LTAP1: variants seen among roughly 807,000 people sequenced by gnomAD.
LTAP1 encodes lipid transport auxiliary protein 1, also known as HCV NS5A-transactivated protein 4.
chr1:154,212,288 G>A, the LTAP1 span: 5 of 1,611,560 alleles, frequency 3.1e-6, no homozygotes, highest in Admixed American at 5.0e-5. Flanking sequence ...TACTGTACCA[G>A]CTCCCTCTGA....
At chr1:154,214,591 A>G in the LTAP1 span, 2 of 1,518,084 alleles carry the variant, frequency 1.3e-6, no homozygotes, top group Non-Finnish European at 1.8e-6. Context: ...ACATAAAAAA[A>G]GAATACACAA....
the LTAP1 span, among the ~76,000 whole-genome samples, chr1:154,213,693 C>G: frequency 4.6e-4 from 70 of 152,296 alleles, no homozygotes; most frequent in Non-Finnish European, 7.1e-4. Context: ...AAACAAAACA[C>G]CCAGACTCTT....
chr1:154,215,840 CTT>C, the LTAP1 span, among the ~76,000 whole-genome samples: 21 of 137,712 alleles, frequency 1.5e-4, no homozygotes, highest in East Asian at 2.0e-4. Context: ...CACTAACTTT[CTT>C]TTTTTTTTTT....
At chr1:154,220,267 C>T in the LTAP1 span, 1 of 1,544,634 alleles carries the variant, frequency 6.5e-7, no homozygotes, top group Non-Finnish European at 9.0e-7. Context: ...AGAATGCAGA[C>T]GGGGTACAGC....
At chr1:154,214,035 T>G in the LTAP1 span, 1 of 1,243,700 alleles carries the variant, frequency 8.0e-7, no homozygotes, top group South Asian at 1.3e-5. Flanking sequence ...CCCAACACTT[T>G]GGGAGGCTGA....
chr1:154,214,035 T>TG, the LTAP1 span: 1 of 1,243,700 alleles, frequency 8.0e-7, no homozygotes, highest in Non-Finnish European at 1.1e-6. Flanking sequence ...CCCAACACTT[T>TG]GGGAGGCTGA....
At chr1:154,207,538 G>C in the LTAP1 span, 1 of 1,614,174 alleles carries the variant, frequency 6.2e-7, no homozygotes, top group African/African-American at 1.3e-5. Flanking sequence ...CTTCTGACTG[G>C]AGGGGAGGTA....
the LTAP1 span, among the ~76,000 whole-genome samples, chr1:154,215,907 A>G: frequency 7.4e-5 from 11 of 148,068 alleles, no homozygotes; most frequent in Admixed American, 5.5e-4. Context: ...GCGCAATCTC[A>G]GCTCACTGCA....
At chr1:154,214,062 G>A in the LTAP1 span, 3 of 867,510 alleles carry the variant, frequency 3.5e-6, no homozygotes, top group South Asian at 4.7e-5. Context: ...TGGATCACCT[G>A]AGGTCAGGAG....
At chr1:154,211,293 G>A in the LTAP1 span, among the ~76,000 whole-genome samples, 3 of 143,482 alleles carry the variant, frequency 2.1e-5, no homozygotes, top group Admixed American at 1.4e-4. Flanking sequence ...GTGAGCCACC[G>A]CGCCCGGCCA....
chr1:154,216,840 G>T, the LTAP1 span, among the ~76,000 whole-genome samples: 1 of 151,668 alleles, frequency 6.6e-6, no homozygotes, highest in African/African-American at 2.4e-5. Flanking sequence ...ATAGAGACAG[G>T]GTTTCCCCAT....
chr1:154,217,210 A>T, the LTAP1 span, among the ~76,000 whole-genome samples: 1 of 152,116 alleles, frequency 6.6e-6, no homozygotes, highest in African/African-American at 2.4e-5. Context: ...CAGCCTCCCA[A>T]AGTGCTGGGA....
chr1:154,207,698 A>G, the LTAP1 span: 2 of 1,437,586 alleles, frequency 1.4e-6, no homozygotes, highest in Non-Finnish European at 1.9e-6. Context: ...CTAATCAAAG[A>G]AATCAGGGCT....
chr1:154,219,608 C>T, the LTAP1 span, among the ~76,000 whole-genome samples: 2 of 152,206 alleles, frequency 1.3e-5, no homozygotes, highest in South Asian at 4.1e-4. Flanking sequence ...GCCCTTCATT[C>T]TGCAGATACA....
chr1:154,213,978 C>G, the LTAP1 span: 1 of 1,600,538 alleles, frequency 6.2e-7, no homozygotes, highest in Non-Finnish European at 8.5e-7. Flanking sequence ...TTAGGCATAA[C>G]CCTAAAAATA....
the LTAP1 span, among the ~76,000 whole-genome samples, chr1:154,216,220 A>G: frequency 6.6e-6 from 1 of 151,950 alleles, no homozygotes; most frequent in Non-Finnish European, 1.5e-5. Flanking sequence ...TAGTCCTCAT[A>G]CACTTCTTCA....
chr1:154,219,970 A>G, the LTAP1 span: 10 of 1,532,368 alleles, frequency 6.5e-6, no homozygotes, highest in Admixed American at 8.5e-5. Context: ...CCTTTAATAA[A>G]AAGTCAGTTT....
At chr1:154,212,655 T>C in the LTAP1 span, 1 of 1,612,170 alleles carries the variant, frequency 6.2e-7, no homozygotes. Flanking sequence ...TGATATCTCT[T>C]CTCATTCTTT....
the LTAP1 span, chr1:154,220,178 G>C: frequency 1.1e-6 from 1 of 913,314 alleles, no homozygotes; most frequent in Non-Finnish European, 1.8e-6. Context: ...GGGCGGGTCG[G>C]CCCGACTAAG....
Sources: gnomAD v4.1 joint callset for allele counts (sites outside exome capture counted in the v4.1 genomes callset) on GRCh38, gnomAD v4.1.1 for gene constraint, MANE v1.5 for transcripts, NCBI Gene and HGNC (gene_info 2026-07-23, HGNC 2026-07-21) for gene names.